MTCL3: variants seen among roughly 807,000 people sequenced by gnomAD.
MTCL3 encodes microtubule cross-linking factor 3.
At chr6:127,478,982 A>C in the MTCL3 span, among the ~76,000 whole-genome samples, 1 of 145,044 alleles carries the variant, frequency 6.9e-6, no homozygotes, top group African/African-American at 2.6e-5. Context: ...GCGCCACTGC[A>C]CTCCAGCCTG....
the MTCL3 span, chr6:127,514,751 C>A: frequency 1.6e-6 from 2 of 1,284,278 alleles, no homozygotes; most frequent in South Asian, 1.3e-5. Flanking sequence ...GACTTCTCAG[C>A]CTAAAGAGCC....
chr6:127,507,871 G>GA, the MTCL3 span, among the ~76,000 whole-genome samples: 2,207 of 110,952 alleles, frequency 0.02, 36 homozygotes, highest in Middle Eastern at 0.04. Context: ...AAAAAAAAAA[G>GA]AAAAAAAATG....
At chr6:127,502,674 G>A in the MTCL3 span, among the ~76,000 whole-genome samples, 1 of 152,136 alleles carries the variant, frequency 6.6e-6, no homozygotes, top group South Asian at 2.1e-4. Context: ...TTCTTCCCAG[G>A]AATTGTCTTT....
the MTCL3 span, among the ~76,000 whole-genome samples, chr6:127,476,636 C>T: frequency 6.6e-6 from 1 of 152,228 alleles, no homozygotes; most frequent in Non-Finnish European, 1.5e-5. The surrounding 1 kb of genome is among the most constrained non-coding windows in gnomAD (Gnocchi z 4.4). Flanking sequence ...CTTAAATTCT[C>T]TGGCAAATTA....
the MTCL3 span, among the ~76,000 whole-genome samples, chr6:127,509,864 T>C: frequency 6.6e-6 from 1 of 152,208 alleles, no homozygotes; most frequent in African/African-American, 2.4e-5. Flanking sequence ...AAAATTACCA[T>C]TGCAAAAATC....
At chr6:127,514,847 C>A in the MTCL3 span, 8 of 1,613,294 alleles carry the variant, frequency 5.0e-6, no homozygotes, top group Non-Finnish European at 6.8e-6. Context: ...CCAGGCTGCG[C>A]AACAGCTCCC....
the MTCL3 span, chr6:127,475,597 G>A: frequency 6.2e-7 from 1 of 1,603,948 alleles, no homozygotes; most frequent in Non-Finnish European, 8.5e-7. The surrounding 1 kb of genome is among the most constrained non-coding windows in gnomAD (Gnocchi z 7.3). Flanking sequence ...CTGCCGATCG[G>A]AGAAGCTCTT....
chr6:127,500,238 C>A, the MTCL3 span, among the ~76,000 whole-genome samples: 1 of 152,144 alleles, frequency 6.6e-6, no homozygotes, highest in African/African-American at 2.4e-5. Flanking sequence ...GAATAAAAGT[C>A]AGACTGATCT....
the MTCL3 span, chr6:127,515,895 C>A: frequency 6.2e-7 from 1 of 1,611,884 alleles, no homozygotes; most frequent in East Asian, 2.2e-5. The surrounding 1 kb of genome is among the most constrained non-coding windows in gnomAD (Gnocchi z 4.3). Context: ...CGCTGCCGCC[C>A]CCCGCAACGC....
At chr6:127,501,111 C>T in the MTCL3 span, among the ~76,000 whole-genome samples, 1 of 152,070 alleles carries the variant, frequency 6.6e-6, no homozygotes, top group Admixed American at 6.6e-5. Context: ...TGCTCCTGGC[C>T]AAGAATTTTT....
At chr6:127,515,817 C>T in the MTCL3 span, 2,652 of 1,609,692 alleles carry the variant, frequency 1.6e-3, 45 homozygotes, top group East Asian at 0.039. The surrounding 1 kb of genome is among the most constrained non-coding windows in gnomAD (Gnocchi z 4.3). Context: ...CCGCCCGCTC[C>T]TTCTTGAGAT....
At chr6:127,501,346 TACACACAG>T in the MTCL3 span, among the ~76,000 whole-genome samples, 1 of 152,194 alleles carries the variant, frequency 6.6e-6, no homozygotes, top group Non-Finnish European at 1.5e-5. Flanking sequence ...TATTCCTAAA[TACACACAG>T]TTGGATCACT....
the MTCL3 span, among the ~76,000 whole-genome samples, chr6:127,489,223 C>T: frequency 6.6e-6 from 1 of 152,124 alleles, no homozygotes; most frequent in Non-Finnish European, 1.5e-5. Flanking sequence ...GCACGATTAA[C>T]TTCACTGATA....
At chr6:127,504,022 G>T in the MTCL3 span, among the ~76,000 whole-genome samples, 1 of 152,130 alleles carries the variant, frequency 6.6e-6, no homozygotes, top group Non-Finnish European at 1.5e-5. Flanking sequence ...TAATAACATG[G>T]ACTCAGTCTT....
the MTCL3 span, among the ~76,000 whole-genome samples, chr6:127,495,801 G>A: frequency 1.7e-4 from 26 of 152,172 alleles, no homozygotes; most frequent in South Asian, 6.2e-4. Context: ...TTTGGAATTA[G>A]TTACCAAATT....
At chr6:127,515,813 G>C in the MTCL3 span, 1 of 1,607,690 alleles carries the variant, frequency 6.2e-7, no homozygotes, top group Non-Finnish European at 8.5e-7. This position sits in a 1 kb window ranked among gnomAD's most constrained non-coding sequence, Gnocchi z 4.3. Flanking sequence ...GCTGCCGCCC[G>C]CTCCTTCTTG....
At chr6:127,494,120 G>A in the MTCL3 span, among the ~76,000 whole-genome samples, 1 of 152,140 alleles carries the variant, frequency 6.6e-6, no homozygotes, top group African/African-American at 2.4e-5. Context: ...TTTGGTGCCA[G>A]GAATTACTTT....
the MTCL3 span, chr6:127,518,813 G>C: frequency 2.8e-4 from 43 of 152,340 alleles, no homozygotes; most frequent in African/African-American, 1.0e-3. Context: ...GCTGCCCCCA[G>C]AGCGGGTGAC....
chr6:127,504,272 A>G, the MTCL3 span, among the ~76,000 whole-genome samples: 2 of 152,162 alleles, frequency 1.3e-5, no homozygotes, highest in Non-Finnish European at 2.9e-5. Flanking sequence ...AGTATTTGGT[A>G]TAGTAATGTG....
Sources: allele counts gnomAD v4.1 joint callset (sites outside exome capture counted in the v4.1 genomes callset), GRCh38; gene constraint gnomAD v4.1.1; non-coding constraint Gnocchi (gnomAD v3.1); transcripts MANE v1.5; gene names NCBI Gene and HGNC (gene_info 2026-07-23, HGNC 2026-07-21).